The following RELN variants were observed in gnomAD, a reference collection of about 807,000 sequenced individuals.
RELN encodes reelin.
RELN carries 108 observed loss-of-function variants against 427.6 expected under a neutral mutation model. The observed-to-expected ratio is 0.25, with a 90% CI of 0.22 to 0.30. The LOEUF (loss-of-function observed/expected upper bound fraction) is 0.30. Ranked by LOEUF, RELN falls within the 10% of genes least tolerant of loss-of-function variation. The pLI, the probability that RELN is intolerant of heterozygous loss-of-function variation, is 1.00. For missense variants in RELN, 3,715 were observed against 4,302.8 expected, an observed-to-expected ratio of 0.86 and a Z score of 3.82; for synonymous variants, 1,524 against 1,513.4, an observed-to-expected ratio of 1.01 and a Z score of -0.16.
intron 42 of RELN, 117 bp from the exon 43 acceptor site, chr7:103,542,995 A>G (rs1830207776): frequency 1.9e-6 from 2 of 1,071,414 alleles, no homozygotes; most frequent in Admixed American, 3.8e-5. Flanking sequence ...AGTCATAAAT[A>G]TTAAAGTCAT....
rs10268041 is a variant in RELN, at chr7:103,710,284, T to C, written c.806-9278A>G. Among the ~76,000 whole-genome samples, 1,475 of 152,292 alleles carry C rather than the reference T, an allele frequency of 9.7e-3. 29 individuals carry two copies. The highest frequency in any genetic ancestry group is 0.032 in the African/African-American group (1,348 of 41,568). ...TCACGTTGCCCCTCATGTCAGGAGGTGTCAGAGTGGACCTAACTGCTTTTG... is the reference window on the plus strand; with the variant it reads ...TCACGTTGCCCCTCATGTCAGGAGGCGTCAGAGTGGACCTAACTGCTTTTG... On this transcript the variant is annotated intron_variant, in intron 8 of 64. Transcript: ENST00000428762.
chr7:103,919,453 CCTTT>C (rs919305939), intron 1 of RELN, among the ~76,000 whole-genome samples: 2 of 152,122 alleles, frequency 1.3e-5, no homozygotes, highest in African/African-American at 2.4e-5. Flanking sequence ...CTCTCCATCC[CCTTT>C]CTTTCTCTTT....
chr7:103,963,827 C>T (rs1796610244), intron 1 of RELN, among the ~76,000 whole-genome samples: 1 of 152,068 alleles, frequency 6.6e-6, no homozygotes, highest in African/African-American at 2.4e-5. Flanking sequence ...TGCAGAGTTA[C>T]ACTAATATCA....
intron 3 of RELN, among the ~76,000 whole-genome samples, chr7:103,798,432 C>T (rs184213663): frequency 1.2e-4 from 19 of 152,256 alleles, no homozygotes; most frequent in Non-Finnish European, 2.2e-4. Flanking sequence ...ACTCAATGAG[C>T]TAATGCCCAT....
rs1791620482 is a variant in RELN, at chr7:103,773,130, T to TTCTTTCTTTCTTTCTTTCTTTCTTTCTC, written c.544+3426_544+3427insGAGAAAGAAAGAAAGAAAGAAAGAAAGA. ...TTTCTTTCTTTCTTTCTTTCTTTCT[T>TTCTTTCTTTCTTTCTTTCTTTCTTTCTC]TCTTTCTTTCTTTCTTTCTTTCTTT... On this transcript the variant is annotated intron_variant, in intron 4 of 64. Transcript: ENST00000428762. Among the ~76,000 whole-genome samples the TTCTTTCTTTCTTTCTTTCTTTCTTTCTC allele has an allele frequency of 5.1e-5, 5 of 98,058 alleles. No individual in the cohort carries two copies. In the South Asian group the frequency reaches 2.0e-3, roughly 39 times the overall value. 64.3% of individuals were successfully genotyped at this position (98,058 alleles called of 152,430 possible).
intron 9 of RELN, among the ~76,000 whole-genome samples, chr7:103,700,095 G>C (rs1376948538): frequency 3.3e-5 from 5 of 152,066 alleles, no homozygotes; most frequent in African/African-American, 1.2e-4. Flanking sequence ...GAAAAAAAGA[G>C]AGCTGTCACG....
Position 103,486,203 on chromosome 7 carries a change from C to A in RELN, c.9977G>T (p.Arg3326Leu). 1 of 1,613,214 alleles carries A rather than the reference C, an allele frequency of 6.2e-7. No individual in the cohort carries two copies. The highest frequency in any genetic ancestry group is 1.8e-4 in the Middle Eastern group (1 of 5,424). ...AATATGGAGGTTTGGGTACCTTGCT[C>A]GAGTGAGATCCAGAGGCTTGGTAGC... ...QAATKPLDLTRASKIMFVLQI... is the reference protein window; with the variant it reads ...QAATKPLDLTLASKIMFVLQI... The change falls in exon 61 of 65, where the codon CGA (arginine) becomes CTA (leucine). Residue 3326 changes from arginine (R) to leucine (L), a missense_variant. By Grantham distance (102) the Arg-to-Leu change is moderately radical. Transcript: ENST00000428762.
At chr7:103,987,215 T>C (rs2116855922) in intron 1 of RELN, among the ~76,000 whole-genome samples, 1 of 152,290 alleles carries the variant, frequency 6.6e-6, no homozygotes, top group East Asian at 1.9e-4. Flanking sequence ...TTTCATAACT[T>C]ACATAATACA....
intron 8 of RELN, among the ~76,000 whole-genome samples, chr7:103,713,294 G>C (rs1789851456): frequency 6.6e-6 from 1 of 152,152 alleles, no homozygotes; most frequent in African/African-American, 2.4e-5. Context: ...AACAGCATTT[G>C]GTATAGAAAG....
chr7:103,702,419 A>G (rs1274529285), intron 8 of RELN, among the ~76,000 whole-genome samples: 1 of 152,260 alleles, frequency 6.6e-6, no homozygotes, highest in African/African-American at 2.4e-5. Context: ...ATCTCTGAAA[A>G]AGGAAAGCAT....
chr7:103,529,292 G>T (rs575135292), intron 46 of RELN, among the ~76,000 whole-genome samples: 1 of 152,284 alleles, frequency 6.6e-6, no homozygotes, highest in East Asian at 1.9e-4. Context: ...TCCACGGTGT[G>T]GCTAAAACCA....
At chr7:103,733,884 T>C (rs1294718512) in intron 6 of RELN, among the ~76,000 whole-genome samples, 2 of 151,866 alleles carry the variant, frequency 1.3e-5, no homozygotes, top group Admixed American at 6.6e-5. Context: ...GGCACATGTA[T>C]ACGTATGTAA....
chr7:103,593,466 G>A (rs1186356960), intron 27 of RELN, among the ~76,000 whole-genome samples: 1 of 152,092 alleles, frequency 6.6e-6, no homozygotes, highest in Non-Finnish European at 1.5e-5. Flanking sequence ...CTAAAGAAAT[G>A]GTATACCCAC....
chr7:103,502,995 T>G (rs913171062), intron 52 of RELN, 21 bp downstream of exon 52: 46 of 1,599,068 alleles, frequency 2.9e-5, no homozygotes, highest in Non-Finnish European at 3.9e-5. Flanking sequence ...GAACCAGGCT[T>G]TGTTTTAGTT....
At chr7:103,642,349 G>GC (rs1562936417) in intron 16 of RELN, among the ~76,000 whole-genome samples, 1 of 112,736 alleles carries the variant, frequency 8.9e-6, no homozygotes, top group Non-Finnish European at 1.8e-5. Flanking sequence ...ATTTCATAGT[G>GC]TTTTTTTTTT....
chr7:103,726,618 G>T (rs765719987), intron 7 of RELN, among the ~76,000 whole-genome samples: 11 of 151,954 alleles, frequency 7.2e-5, no homozygotes, highest in Admixed American at 6.6e-5. Context: ...GTGAATTTTG[G>T]CATTATATTC....
At chr7:103,891,273 T>C (rs1794843060) in intron 2 of RELN, among the ~76,000 whole-genome samples, 1 of 152,152 alleles carries the variant, frequency 6.6e-6, no homozygotes, top group African/African-American at 2.4e-5. Context: ...TTAGACACTT[T>C]AGGGCTTATA....
chr7:103,538,633 G>A (rs556563969), intron 45 of RELN, among the ~76,000 whole-genome samples: 9 of 152,172 alleles, frequency 5.9e-5, no homozygotes, highest in South Asian at 2.1e-4. Context: ...TTCATCTAAT[G>A]CCCCAAGAAT....
chr7:103,907,649 T>C (rs1414932938), intron 2 of RELN, among the ~76,000 whole-genome samples: 1 of 151,716 alleles, frequency 6.6e-6, no homozygotes, highest in Non-Finnish European at 1.5e-5. Context: ...TACAATCTTG[T>C]GAATATACTG....
Sources: allele counts gnomAD v4.1 joint callset (sites outside exome capture counted in the v4.1 genomes callset), GRCh38; gene constraint gnomAD v4.1.1; transcripts MANE v1.5; gene names NCBI Gene and HGNC (gene_info 2026-07-23, HGNC 2026-07-21).